GDPD3: variants seen among roughly 807,000 people sequenced by gnomAD.
GDPD3 encodes the protein lysophospholipase D GDPD3.
GDPD3 carries 40 observed loss-of-function variants against 43.7 expected under a neutral mutation model. That is an observed-to-expected ratio of 0.91 (90% CI 0.71 to 1.19). The LOEUF (loss-of-function observed/expected upper bound fraction) is 1.19, where lower values mean the gene tolerates loss of function less well. Ranked by LOEUF, GDPD3 falls within the 50% of genes most tolerant of loss-of-function variation. The probability of loss-of-function intolerance (pLI) is 0.00; values close to 1 mark genes in which losing one functional copy is unlikely to be tolerated. For synonymous variants in GDPD3, 145 were observed against 162.9 expected, an observed-to-expected ratio of 0.89 and a Z score of 0.84; for missense variants, 363 against 415.8, an observed-to-expected ratio of 0.87 and a Z score of 1.11.
chr16:30,108,106 CTG>C lies in GDPD3; in HGVS notation c.819+105_819+106del, dbSNP rs1008832029. 7.7e-5 allele frequency: 68 copies of C among 888,264 alleles called. No homozygotes were observed. In the African/African-American group the frequency reaches 1.0e-3, roughly 13 times the overall value. The allele number at this position is 888,264 out of a possible 1,614,324, so 55.0% of individuals were successfully genotyped here. A position where few individuals can be genotyped will look rare whatever the true frequency, so the allele number is the denominator to read the frequency against. On this transcript the variant is annotated intron_variant, in intron 9 of 9. Transcript: ENST00000406256. ...TTTTCCCATTTTAGGGACGAAGAAA[CTG>C]AGGTGAGGTCACCTGCCCGAGTGAT...
At chr16:30,106,566 G>C (rs545988922) in intron 9 of GDPD3, among the ~76,000 whole-genome samples, 1 of 152,216 alleles carries the variant, frequency 6.6e-6, no homozygotes, top group East Asian at 1.9e-4. Context: ...AGGTCTCTCT[G>C]TATTGCCAAC....
chr16:30,111,569 A>G, intron 6 of GDPD3, 48 bp from the exon 7 acceptor site: 1 of 1,605,094 alleles, frequency 6.2e-7, no homozygotes, highest in Non-Finnish European at 8.5e-7. Flanking sequence ...CTGGGGAAGC[A>G]GAGAGGAGGC....
At position 30,112,322 on chromosome 16, in the gene GDPD3, T is replaced by C. The variant is rs2072907149; in HGVS notation, c.467A>G (p.Glu156Gly). The C allele has an allele frequency of 6.2e-7, 1 of 1,614,090 alleles. No individual in the cohort carries two copies. The highest frequency in any genetic ancestry group is 1.3e-5 in the African/African-American group (1 of 74,946). The change falls in exon 5 of 10, where the codon GAA becomes GGA. Residue 156 changes from glutamate (E) to glycine (G), a missense_variant. Coordinates refer to ENST00000406256, the MANE Select transcript of GDPD3 (RefSeq NM_024307.3). The surrounding 1 kb of genome is among the most constrained non-coding windows in gnomAD (Gnocchi z 5.4). ...PMSVEIKGKN[E>G]ELIREIAGLV... ...CAGCACCACCTCACGGATGAGCTCT[T>C]CGTTCTTCCCTTTGATCTCTACGCT...
At position 30,104,947 on chromosome 16, in the gene GDPD3, A is replaced by G. The variant is rs750554743; in HGVS notation, c.882T>C (p.Thr294=). ...CTGTGGGATAATCCGTTATGACGCC[A>G]GTGGCTCCCACGCTGAAGGCTGCTT... ...DFEAAFSVGA[T]GVITDYPTAL... is the part of the protein sequence containing the mutation. Residue 294 remains threonine (T), a synonymous_variant, in exon 10 of 10, where the codon ACT becomes ACC. Transcript: ENST00000406256. 1.9e-6 allele frequency: 3 copies of G among 1,612,818 alleles called. No individual in the cohort carries two copies. The highest frequency in any genetic ancestry group is 2.5e-6 in the Non-Finnish European group (3 of 1,179,920).
chr16:30,108,039 T>G (rs1381822752), intron 9 of GDPD3, 174 bp downstream of exon 9: 8 of 523,370 alleles, frequency 1.5e-5, no homozygotes, highest in Admixed American at 6.9e-5. Flanking sequence ...TTGTGTGTGT[T>G]CGTGTGTGTG....
At chr16:30,105,559 C>G (rs1344879162) in intron 9 of GDPD3, among the ~76,000 whole-genome samples, 1 of 150,816 alleles carries the variant, frequency 6.6e-6, no homozygotes, top group Non-Finnish European at 1.5e-5. Flanking sequence ...GGCTGGAGTA[C>G]AGTGGCATGA....
At position 30,113,516 on chromosome 16, in the gene GDPD3, C is replaced by A. The variant is rs1463611759; in HGVS notation, c.-38G>T. On this transcript the variant is annotated 5_prime_UTR_variant, in exon 1 of 10. Transcript: ENST00000406256. The surrounding 1 kb of genome is among the most constrained non-coding windows in gnomAD (Gnocchi z 5.9). ...ACAGAAGCTCCTGCAGCCACACGCT[C>A]AGCCGTCCGCGGGACTGTGCTGCCT... The A allele has an allele frequency of 2.0e-6, 3 of 1,507,480 alleles. No homozygotes were observed. Among genetic ancestry groups the A allele is most frequent in the South Asian group, 2.6e-5 (2 of 76,138 alleles). The allele number at this position is 1,507,480 out of a possible 1,614,324, so 93.4% of individuals were successfully genotyped here. A position where few individuals can be genotyped will look rare whatever the true frequency, so the allele number is the denominator to read the frequency against.
intron 7 of GDPD3, 131 bp downstream of exon 7, chr16:30,111,257 G>A: frequency 9.9e-7 from 1 of 1,012,376 alleles, no homozygotes; most frequent in South Asian, 1.6e-5. Context: ...TGCTGGGTAA[G>A]AACCACTGTC....
At position 30,113,387 on chromosome 16, in the gene GDPD3, G is replaced by A. The variant is rs756683635; in HGVS notation, c.92C>T (p.Thr31Met). ...FFLRRPHLLHTPRAPTFRIRL... is the reference protein window; with the variant it reads ...FFLRRPHLLHMPRAPTFRIRL... The stretch of plus-strand genomic sequence containing the variant: ...GATGCGGAAGGTGGGAGCCCTGGGC[G>A]TGTGCAGCAGATGAGGCCGGCGCAG... Residue 31 changes from threonine to methionine, a missense_variant, in exon 1 of 10, where the codon ACG becomes ATG. By Grantham distance (81) the Thr-to-Met change is moderately conservative. Transcript: ENST00000406256. This position sits in a 1 kb window ranked among gnomAD's most constrained non-coding sequence, Gnocchi z 5.9. 6.8e-6 allele frequency: 11 copies of A among 1,611,936 alleles called. No individual in the cohort carries two copies. Among genetic ancestry groups the A allele is most frequent in the South Asian group, 3.3e-5 (3 of 90,846 alleles).
In GDPD3 at chr16:30,113,305, A is replaced by C. The variant is rs766835443; in HGVS notation, c.139+35T>G. On this transcript the variant is annotated intron_variant, in intron 1 of 9. Coordinates refer to ENST00000406256, the MANE Select transcript of GDPD3 (RefSeq NM_024307.3). This position sits in a 1 kb window ranked among gnomAD's most constrained non-coding sequence, Gnocchi z 5.9. ...TTGGACCTACCCCTCTGTGCTGTCCACTTTGGCACCTGTTCTCACCCCTAC... is the reference window on the plus strand; with the variant it reads ...TTGGACCTACCCCTCTGTGCTGTCCCCTTTGGCACCTGTTCTCACCCCTAC... 3 of 1,562,312 alleles carry C rather than the reference A, an allele frequency of 1.9e-6. No individual in the cohort carries two copies. The East Asian group carries it at 6.8e-5, about 35-fold the overall frequency.
At chr16:30,105,303 A>G (rs748165559) in intron 9 of GDPD3, among the ~76,000 whole-genome samples, 7 of 152,032 alleles carry the variant, frequency 4.6e-5, no homozygotes, top group Non-Finnish European at 1.0e-4. Flanking sequence ...CTTTGTAAAA[A>G]TTAATTAGCC....
At chr16:30,107,609 CATT>C (rs2072869063) in intron 9 of GDPD3, 1 of 152,200 alleles carries the variant, frequency 6.6e-6, no homozygotes, top group African/African-American at 2.4e-5. Context: ...CATGATACAT[CATT>C]GTTGTCATCA....
chr16:30,112,401 G>T lies in GDPD3; in HGVS notation c.388C>A (p.Arg130=), dbSNP rs147449044. 2 of 1,613,750 alleles carry T rather than the reference G, an allele frequency of 1.2e-6. No homozygotes were observed. The highest frequency in any genetic ancestry group is 1.7e-5 in the Admixed American group (1 of 60,004). The part of the protein sequence containing the change: ...SPGHFAHGSD[R]RMVRLEDLFQ... The stretch of plus-strand genomic sequence containing the variant: ...AGGTCCTCCAGACGAACCATGCGCC[G>T]GTCTGACCCGTGAGCAAAGTGGCCT... The change falls in exon 5 of 10, where the codon CGG becomes AGG. Residue 130 remains arginine (R), a synonymous_variant. Coordinates refer to ENST00000406256, the MANE Select transcript of GDPD3 (RefSeq NM_024307.3). The surrounding 1 kb of genome is among the most constrained non-coding windows in gnomAD (Gnocchi z 5.4).
chr16:30,108,489 G>C, intron 7 of GDPD3, 57 bp from the exon 8 acceptor site: 1 of 1,555,716 alleles, frequency 6.4e-7, no homozygotes, highest in Non-Finnish European at 8.9e-7. Context: ...CCCAGAGGTG[G>C]GGTGGGCTGG....
At chr16:30,111,191 A>G in intron 7 of GDPD3, 197 bp downstream of exon 7, 1 of 605,430 alleles carries the variant, frequency 1.7e-6, no homozygotes, top group East Asian at 2.9e-5. Flanking sequence ...TCTATCCTAA[A>G]ACTCCACATA....
intron 9 of GDPD3, among the ~76,000 whole-genome samples, chr16:30,107,200 G>A (rs371138671): frequency 1.2e-4 from 18 of 152,228 alleles, no homozygotes; most frequent in East Asian, 1.2e-3. Flanking sequence ...TCGAAACCCC[G>A]TGCTCAGGTG....
chr16:30,109,244 C>T (rs528108247), intron 7 of GDPD3, among the ~76,000 whole-genome samples: 6 of 152,310 alleles, frequency 3.9e-5, no homozygotes, highest in South Asian at 2.1e-4. Context: ...ATAATAAGCA[C>T]GAGCCAGCCA....
At chr16:30,105,716 G>A (rs1052129593) in intron 9 of GDPD3, among the ~76,000 whole-genome samples, 1 of 149,704 alleles carries the variant, frequency 6.7e-6, no homozygotes, top group African/African-American at 2.4e-5. Context: ...TGTTAGCCAG[G>A]ATGGTCTCGA....
intron 9 of GDPD3, among the ~76,000 whole-genome samples, chr16:30,106,972 G>A (rs912070407): frequency 1.3e-5 from 2 of 152,158 alleles, no homozygotes; most frequent in Non-Finnish European, 2.9e-5. Flanking sequence ...GCCTCCCAAA[G>A]TGCTGGGATT....
Sources: allele counts gnomAD v4.1 joint callset (sites outside exome capture counted in the v4.1 genomes callset), GRCh38; gene constraint gnomAD v4.1.1; non-coding constraint Gnocchi (gnomAD v3.1); transcripts MANE v1.5; gene names NCBI Gene and HGNC (gene_info 2026-07-23, HGNC 2026-07-21).